Variants in NDST4 observed in about 807,000 individuals in gnomAD.
The protein encoded by NDST4 is N-heparan sulfate sulfotransferase 4.
A neutral mutation model predicts 100.8 loss-of-function variants in NDST4; 63 were observed. That is an observed-to-expected ratio of 0.62 (90% confidence interval 0.51 to 0.77). The LOEUF is 0.77. Ranked by LOEUF, NDST4 falls within the 30% of genes least tolerant of loss-of-function variation. NDST4 has a pLI of 0.00. For missense variants in NDST4, 943 were observed against 1,018.4 expected (o/e 0.93, Z 1.01); for synonymous variants, 377 against 361.8 (o/e 1.04, Z -0.48).
chr4:115,103,570 T>G (rs376689724), intron 1 of NDST4, among the ~76,000 whole-genome samples: 1 of 152,158 alleles, frequency 6.6e-6, no homozygotes, highest in African/African-American at 2.4e-5. Flanking sequence ...CCACCTTTTA[T>G]TTACTTCAGA....
At chr4:114,992,909 T>C (rs1165120167) in intron 2 of NDST4, among the ~76,000 whole-genome samples, 1 of 151,898 alleles carries the variant, frequency 6.6e-6, no homozygotes, top group African/African-American at 2.4e-5. Flanking sequence ...TACTCACTGA[T>C]GGTCAGCTGA....
At chr4:114,965,725 G>A (rs1726365507) in intron 4 of NDST4, among the ~76,000 whole-genome samples, 1 of 151,784 alleles carries the variant, frequency 6.6e-6, no homozygotes, top group African/African-American at 2.4e-5. Flanking sequence ...ACTTTAATGA[G>A]TTTATATGTA....
At chr4:114,932,698 G>T (rs1019288870) in intron 6 of NDST4, among the ~76,000 whole-genome samples, 1 of 151,694 alleles carries the variant, frequency 6.6e-6, no homozygotes, top group Admixed American at 6.6e-5. Flanking sequence ...ACACTGACAA[G>T]TTATCTGAAA....
At chr4:114,969,184 G>C (rs1726450078) in intron 4 of NDST4, among the ~76,000 whole-genome samples, 1 of 150,986 alleles carries the variant, frequency 6.6e-6, no homozygotes, top group South Asian at 2.1e-4. Flanking sequence ...CGTAGTGGCG[G>C]GCGCCTGTAG....
chr4:114,878,239 C>T (rs1476146039), intron 6 of NDST4, among the ~76,000 whole-genome samples: 2 of 152,124 alleles, frequency 1.3e-5, no homozygotes, highest in Non-Finnish European at 2.9e-5. Context: ...AGCTCTATTG[C>T]TCCATGTGAC....
intron 7 of NDST4, among the ~76,000 whole-genome samples, chr4:114,858,017 C>T (rs991834164): frequency 3.9e-5 from 6 of 152,108 alleles, no homozygotes; most frequent in Non-Finnish European, 8.8e-5. Context: ...GTTGCCTAAC[C>T]TCTGTTGTCA....
At chr4:115,060,884 T>G (rs1351287538) in intron 2 of NDST4, among the ~76,000 whole-genome samples, 1 of 152,056 alleles carries the variant, frequency 6.6e-6, no homozygotes, top group Non-Finnish European at 1.5e-5. Context: ...GCTAATTTTC[T>G]TCTTTCAATT....
intron 2 of NDST4, among the ~76,000 whole-genome samples, chr4:115,017,450 T>C (rs1578456682): frequency 6.6e-6 from 1 of 152,044 alleles, no homozygotes; most frequent in Non-Finnish European, 1.5e-5. Flanking sequence ...CATTGTTACA[T>C]AGAATACTAT....
At chr4:115,033,131 G>A (rs868406855) in intron 2 of NDST4, among the ~76,000 whole-genome samples, 1,465 of 107,756 alleles carry the variant, frequency 0.014, 41 homozygotes, top group African/African-American at 0.055. Flanking sequence ...ATATATATGT[G>A]TATATATATA....
intron 2 of NDST4, among the ~76,000 whole-genome samples, chr4:114,999,008 T>C (rs1246513464): frequency 6.6e-6 from 1 of 152,116 alleles, no homozygotes; most frequent in East Asian, 1.9e-4. Context: ...GTAAACTTCA[T>C]GAAGATGAGG....
At chr4:114,985,126 G>A (rs1017969555) in intron 2 of NDST4, among the ~76,000 whole-genome samples, 1 of 152,124 alleles carries the variant, frequency 6.6e-6, no homozygotes, top group African/African-American at 2.4e-5. Flanking sequence ...AAGTACAAGG[G>A]TATTTATGGG....
intron 6 of NDST4, among the ~76,000 whole-genome samples, chr4:114,879,481 T>C (rs1210940033): frequency 5.9e-5 from 9 of 152,124 alleles, no homozygotes; most frequent in Admixed American, 3.3e-4. Context: ...AGCACCCCCA[T>C]CCCTCTTCCC....
chr4:115,027,824 C>T (rs1395293283), intron 2 of NDST4, among the ~76,000 whole-genome samples: 2 of 152,042 alleles, frequency 1.3e-5, no homozygotes, highest in South Asian at 2.1e-4. Flanking sequence ...GAGGCCAAGG[C>T]GGGCAGATCA....
chr4:114,961,601 A>G (rs1726264909), intron 4 of NDST4, among the ~76,000 whole-genome samples: 2 of 151,476 alleles, frequency 1.3e-5, no homozygotes, highest in Non-Finnish European at 2.9e-5. Context: ...TAAAATTAGT[A>G]AATGTCTAGA....
In NDST4 at chr4:115,076,955, T is replaced by C. The variant is rs1729200582; in HGVS notation, c.82A>G (p.Ile28Val). The change falls in exon 2 of 14, where the codon ATT (isoleucine) becomes GTT (valine). Residue 28 changes from isoleucine to valine, a missense_variant. Around this residue, in one of 2 missense-constraint regions of NDST4, gnomAD observed 417 missense variants for 384.2 expected, o/e 1.09. Coordinates refer to ENST00000264363, the MANE Select transcript of NDST4 (RefSeq NM_022569.3). ...LATFCLVSIV[I>V]SAYFLYSGYK... ...CCAGAGTAGAGAAAATAGGCAGAAATGACAATGCTCACCAAGCAAAAGGTA... is the reference window on the plus strand; with the variant it reads ...CCAGAGTAGAGAAAATAGGCAGAAACGACAATGCTCACCAAGCAAAAGGTA... 2.5e-6 allele frequency: 4 copies of C among 1,613,534 alleles called. No homozygotes were observed. In the South Asian group the frequency reaches 4.4e-5, roughly 18 times the overall value.
chr4:115,016,432 C>T (rs548279660), intron 2 of NDST4, among the ~76,000 whole-genome samples: 2 of 152,220 alleles, frequency 1.3e-5, no homozygotes, highest in East Asian at 3.9e-4. Context: ...TAGCAAAATG[C>T]TTGCTCTCTG....
At chr4:114,845,327 G>T (rs1374269462) in intron 10 of NDST4, among the ~76,000 whole-genome samples, 1 of 152,112 alleles carries the variant, frequency 6.6e-6, no homozygotes, top group Non-Finnish European at 1.5e-5. Context: ...GTGAGACCTG[G>T]TCTCCAATTG....
intron 6 of NDST4, among the ~76,000 whole-genome samples, chr4:114,903,525 C>T (rs1420677878): frequency 1.3e-5 from 2 of 151,924 alleles, no homozygotes; most frequent in Admixed American, 6.6e-5. Flanking sequence ...ACGGAGATTT[C>T]TGCTTGGGAG....
chr4:114,855,373 T>C (rs28874071), intron 7 of NDST4, among the ~76,000 whole-genome samples: 6,610 of 152,260 alleles, frequency 0.043, 408 homozygotes, highest in South Asian at 0.18. Flanking sequence ...GGGGAGTTTC[T>C]CCAATGTTTT....
Sources: allele counts gnomAD v4.1 joint callset (sites outside exome capture counted in the v4.1 genomes callset), GRCh38; gene constraint gnomAD v4.1.1; regional missense constraint gnomAD v4.1.1; transcripts MANE v1.5; gene names NCBI Gene and HGNC (gene_info 2026-07-23, HGNC 2026-07-21).